The following SMO variants were observed in gnomAD, a reference collection of about 807,000 sequenced individuals.
SMO encodes the protein protein smoothened.
In SMO, 40 loss-of-function variants were observed where a neutral mutation model predicts 81.6. That is an observed-to-expected ratio of 0.49 (90% CI 0.38 to 0.64). The LOEUF (loss-of-function observed/expected upper bound fraction) is 0.64, where lower values mean the gene tolerates loss of function less well. Ranked by LOEUF, SMO falls within the 30% of genes least tolerant of loss-of-function variation. The pLI is 0.00. For synonymous variants in SMO, 434 were observed against 432.1 expected (o/e 1.00, Z -0.05); for missense variants, 916 against 1,061.1 (o/e 0.86, Z 1.90).
chr7:129,211,972 T>A lies in SMO; in HGVS notation c.1937-52T>A, dbSNP rs2150656129. 1 of 1,507,540 alleles carries A rather than the reference T, an allele frequency of 6.6e-7. No individual in the cohort carries two copies. The highest frequency in any genetic ancestry group is 8.9e-7 in the Non-Finnish European group (1 of 1,127,986). The allele number at this position is 1,507,540 out of a possible 1,614,324, so 93.4% of individuals were successfully genotyped here. A position where few individuals can be genotyped will look rare whatever the true frequency, so the allele number is the denominator to read the frequency against. On this transcript the variant is annotated intron_variant, in intron 11 of 11. Coordinates refer to ENST00000249373, the MANE Select transcript of SMO (RefSeq NM_005631.5). This position sits in a 1 kb window ranked among gnomAD's most constrained non-coding sequence, Gnocchi z 4.6. ...TTAAGTGCTCCCAGGGGAGCGGGGG[T>A]GGCATGGACAGAGCCAGGGCCCCAG...
chr7:129,211,569 A>G lies in SMO; in HGVS notation c.1802-67A>G, dbSNP rs1318286825. The G allele has an allele frequency of 4.6e-6, 7 of 1,532,854 alleles. No homozygotes were observed. The Admixed American group carries it at 5.1e-5, about 11-fold the overall frequency. 95.0% of individuals were successfully genotyped at this position (1,532,854 alleles called of 1,614,324 possible). On this transcript the variant is annotated intron_variant, in intron 10 of 11. Coordinates refer to ENST00000249373, the MANE Select transcript of SMO (RefSeq NM_005631.5). This position sits in a 1 kb window ranked among gnomAD's most constrained non-coding sequence, Gnocchi z 4.6. ...TGTGGGAAGATGAATGGCACTGACT[A>G]TGGGAGGCACTGCCAGGGACCGGGA...
At position 129,189,256 on chromosome 7, in the gene SMO, C is replaced by T. The variant is rs2150637989; in HGVS notation, c.105C>T (p.Asn35=). The stretch of plus-strand genomic sequence containing the variant: ...GCCGGGGGGCGGCCTCGAGCGGGAA[C>T]GCGACCGGGCCTGGGCCTCGGAGCG... The part of the protein sequence containing the change: ...DPGRGAASSG[N]ATGPGPRSAG... The change falls in exon 1 of 12, where the codon AAC becomes AAT. Residue 35 remains asparagine (N), a synonymous_variant. Coordinates refer to ENST00000249373, the MANE Select transcript of SMO (RefSeq NM_005631.5). This position sits in a 1 kb window ranked among gnomAD's most constrained non-coding sequence, Gnocchi z 4.7. 8.1e-7 allele frequency: 1 copy of T among 1,234,252 alleles called. No homozygotes were observed. The highest frequency in any genetic ancestry group is 1.0e-6 in the Non-Finnish European group (1 of 986,700). 76.5% of individuals were successfully genotyped at this position (1,234,252 alleles called of 1,614,324 possible).
intron 1 of SMO, among the ~76,000 whole-genome samples, chr7:129,194,119 T>C (rs568491422): frequency 6.6e-6 from 1 of 151,754 alleles, no homozygotes; most frequent in South Asian, 2.1e-4. Context: ...TACATACATA[T>C]AGATATGTGT....
chr7:129,201,928 G>A lies in SMO; in HGVS notation c.332-1456G>A, dbSNP rs192491032. Reference sequence around the variant, plus strand: ...ACTCCTAGCCTCAGGTGATCTGCCCGCCTTTGCCTCCCAAAGTGCTGGGAT... The same window carrying A: ...ACTCCTAGCCTCAGGTGATCTGCCCACCTTTGCCTCCCAAAGTGCTGGGAT... On this transcript the variant is annotated intron_variant, in intron 1 of 11. Coordinates refer to ENST00000249373, the MANE Select transcript of SMO (RefSeq NM_005631.5). Among the ~76,000 whole-genome samples the A allele has an allele frequency of 1.3e-3, 199 of 152,170 alleles. 1 individual carries two copies. The highest frequency in any genetic ancestry group is 4.5e-3 in the African/African-American group (186 of 41,528).
At position 129,188,704 on chromosome 7, in the gene SMO, G is replaced by A. The variant is rs1490043100; in HGVS notation, c.-448G>A. 6.6e-6 allele frequency among the ~76,000 whole-genome samples: 1 copy of A among 152,034 alleles called. No individual in the cohort carries two copies. Among genetic ancestry groups the A allele is most frequent in the Non-Finnish European group, 1.5e-5 (1 of 67,980 alleles). On this transcript the variant is annotated 5_prime_UTR_variant, in exon 1 of 12. Transcript: ENST00000249373. The surrounding 1 kb of genome is among the most constrained non-coding windows in gnomAD (Gnocchi z 4.9). ...CGGCGGGGAGAGTTCGGGGGGCTGC[G>A]GCGCGCTGGGGCGAAGGTGGCTGCT...
chr7:129,194,881 AAAC>A (rs1032119871), intron 1 of SMO, among the ~76,000 whole-genome samples: 19 of 152,102 alleles, frequency 1.2e-4, no homozygotes, highest in African/African-American at 4.6e-4. Flanking sequence ...TCCTGGGTTC[AAAC>A]GATTCTCCTG....
chr7:129,205,621 G>A lies in SMO; in HGVS notation c.759G>A (p.Val253=), dbSNP rs2150648967. ...LCTLFTLATF[V]ADWRNSNRYP... is the part of the protein sequence containing the mutation. ...CTTCTCTCTTCTAGGCCACATTCGT[G>A]GCTGACTGGCGGAACTCGAATCGCT... The change falls in exon 4 of 12, where the codon GTG becomes GTA. Residue 253 remains valine, a synonymous_variant. Coordinates refer to ENST00000249373, the MANE Select transcript of SMO (RefSeq NM_005631.5). The A allele has an allele frequency of 6.2e-7, 1 of 1,613,636 alleles. No homozygotes were observed. Among genetic ancestry groups the A allele is most frequent in the East Asian group, 2.2e-5 (1 of 44,864 alleles).
rs1314868282 is a variant in SMO, at chr7:129,206,104, G to A, written c.921-46G>A. ...ACAGGGTGGGGAGACCAGGTAGAGG[G>A]AGTACAGAGTGACCGCCTCAAGTGA... On this transcript the variant is annotated intron_variant, in intron 4 of 11. Coordinates refer to ENST00000249373, the MANE Select transcript of SMO (RefSeq NM_005631.5). This position sits in a 1 kb window ranked among gnomAD's most constrained non-coding sequence, Gnocchi z 4.4. 3.5e-6 allele frequency: 5 copies of A among 1,422,798 alleles called. No homozygotes were observed. The highest frequency in any genetic ancestry group is 4.9e-6 in the Non-Finnish European group (5 of 1,026,818). 88.1% of individuals were successfully genotyped at this position (1,422,798 alleles called of 1,614,324 possible). A position where few individuals can be genotyped will look rare whatever the true frequency, so the allele number is the denominator to read the frequency against.
rs1793705619 is a variant in SMO, at chr7:129,203,511, C to T, written c.459C>T (p.Pro153=). ...CCCTCTGCCAGGCCACCCGAGGCCC[C>T]TGTGCCATCGTGGAGAGGGAGCGGG... The part of the protein sequence containing the change: ...SRTLCQATRG[P]CAIVERERGW... The change falls in exon 2 of 12, where the codon CCC becomes CCT. Residue 153 remains proline, a synonymous_variant. Coordinates refer to ENST00000249373, the MANE Select transcript of SMO (RefSeq NM_005631.5). 1.9e-6 allele frequency: 3 copies of T among 1,607,720 alleles called. No individual in the cohort carries two copies. Among genetic ancestry groups the T allele is most frequent in the South Asian group, 1.1e-5 (1 of 90,094 alleles).
At chr7:129,209,030 C>G in intron 7 of SMO, 179 bp downstream of exon 7, 1 of 620,206 alleles carries the variant, frequency 1.6e-6, no homozygotes, top group East Asian at 2.7e-5. Flanking sequence ...GGGGTCTACT[C>G]GGGGGGAAGA....
intron 1 of SMO, among the ~76,000 whole-genome samples, chr7:129,197,339 T>C (rs1793597704): frequency 6.6e-6 from 1 of 152,258 alleles, no homozygotes. Flanking sequence ...ATAGGTTTTT[T>C]ATAGTTAATT....
In SMO at chr7:129,210,276, G is replaced by T. The variant is rs1174419065; in HGVS notation, c.1467-87G>T. 3 of 1,176,730 alleles carry T rather than the reference G, an allele frequency of 2.5e-6. No individual in the cohort carries two copies. Among genetic ancestry groups the T allele is most frequent in the African/African-American group, 1.5e-5 (1 of 66,306 alleles). 72.9% of individuals were successfully genotyped at this position (1,176,730 alleles called of 1,614,324 possible). ...GTTGTGATCACGCCACCGCACTCTA[G>T]CCTGGGTGACAGAGCAAGATCCTAT... On this transcript the variant is annotated intron_variant, in intron 8 of 11. Coordinates refer to ENST00000249373, the MANE Select transcript of SMO (RefSeq NM_005631.5). This position sits in a 1 kb window ranked among gnomAD's most constrained non-coding sequence, Gnocchi z 4.7.
At chr7:129,204,216 C>T (rs964070984) in intron 2 of SMO, among the ~76,000 whole-genome samples, 2 of 151,966 alleles carry the variant, frequency 1.3e-5, no homozygotes, top group Non-Finnish European at 2.9e-5. Context: ...GCCTGTAGTC[C>T]CAGCTACTCG....
intron 1 of SMO, among the ~76,000 whole-genome samples, chr7:129,195,945 C>CA (rs1462778268): frequency 1.3e-5 from 2 of 151,766 alleles, no homozygotes; most frequent in Non-Finnish European, 2.9e-5. Flanking sequence ...ACTAAAAATA[C>CA]AAAAAATTAG....
Position 129,211,883 on chromosome 7 carries a change from G to A in SMO, c.1936+113G>A. ...GGAGGAAGAGGAAGGAAAGGCCCCA[G>A]AGGATCTGAAGAGTGGGGCTGAGGC... On this transcript the variant is annotated intron_variant, in intron 11 of 11. Coordinates refer to ENST00000249373, the MANE Select transcript of SMO (RefSeq NM_005631.5). This position sits in a 1 kb window ranked among gnomAD's most constrained non-coding sequence, Gnocchi z 4.6. 6.8e-7 allele frequency: 1 copy of A among 1,475,980 alleles called. No homozygotes were observed. Among genetic ancestry groups the A allele is most frequent in the Non-Finnish European group, 9.3e-7 (1 of 1,070,716 alleles). 91.4% of individuals were successfully genotyped at this position (1,475,980 alleles called of 1,614,324 possible).
At chr7:129,196,944 G>A (rs1793590221) in intron 1 of SMO, among the ~76,000 whole-genome samples, 1 of 147,736 alleles carries the variant, frequency 6.8e-6, no homozygotes, top group Non-Finnish European at 1.5e-5. Context: ...GTGAACCTGG[G>A]AGGCGGAGCT....
chr7:129,189,161 G>C lies in SMO; in HGVS notation c.10G>C (p.Ala4Pro). 8.4e-7 allele frequency: 1 copy of C among 1,185,412 alleles called. No individual in the cohort carries two copies. The highest frequency in any genetic ancestry group is 1.1e-6 in the Non-Finnish European group (1 of 951,110). 73.4% of individuals were successfully genotyped at this position (1,185,412 alleles called of 1,614,324 possible). ...GTTGGCGGGGTTGGCCATGGCCGCTGCCCGCCCAGCGCGGGGGCCGGAGCT... is the reference window on the plus strand; with the variant it reads ...GTTGGCGGGGTTGGCCATGGCCGCTCCCCGCCCAGCGCGGGGGCCGGAGCT... Reference protein sequence around the residue: MAAARPARGPELPL... With the variant: MAAPRPARGPELPL... The change falls in exon 1 of 12, where the codon GCC becomes CCC. Residue 4 changes from alanine to proline, a missense_variant. Ala to Pro is a conservative substitution (Grantham distance 27). This residue lies in a region of SMO where 146 missense variants were observed against 149.9 expected (regional missense o/e 0.97). Transcript: ENST00000249373. This position sits in a 1 kb window ranked among gnomAD's most constrained non-coding sequence, Gnocchi z 4.7.
chr7:129,211,220 G>A lies in SMO; in HGVS notation c.1801+107G>A. 1 of 1,213,390 alleles carries A rather than the reference G, an allele frequency of 8.2e-7. No individual in the cohort carries two copies. Among genetic ancestry groups the A allele is most frequent in the Non-Finnish European group, 1.2e-6 (1 of 849,342 alleles). 75.2% of individuals were successfully genotyped at this position (1,213,390 alleles called of 1,614,324 possible). A position where few individuals can be genotyped will look rare whatever the true frequency, so the allele number is the denominator to read the frequency against. On this transcript the variant is annotated intron_variant, in intron 10 of 11. Transcript: ENST00000249373. The surrounding 1 kb of genome is among the most constrained non-coding windows in gnomAD (Gnocchi z 4.6). ...ACAGATTATTTGGAAGACCGACTGT[G>A]AGGAGCAAGGCGCTCCCTCCATCGC...
chr7:129,208,770 C>G lies in SMO; in HGVS notation c.1276C>G (p.Leu426Val), dbSNP rs1399929161. The change falls in exon 7 of 12, where the codon CTG (leucine) becomes GTG (valine). Residue 426 changes from leucine to valine, a missense_variant. Transcript: ENST00000249373. The surrounding 1 kb of genome is among the most constrained non-coding windows in gnomAD (Gnocchi z 5.2). Reference protein sequence around the residue: ...GYFLIRGVMTLFSIKSNHPGL... With the variant: ...GYFLIRGVMTVFSIKSNHPGL... ...CCCCTTCTGTTCAGGAGTCATGACTCTGTTCTCCATCAAGAGCAACCACCC... is the reference window on the plus strand; with the variant it reads ...CCCCTTCTGTTCAGGAGTCATGACTGTGTTCTCCATCAAGAGCAACCACCC... 6.2e-7 allele frequency: 1 copy of G among 1,612,586 alleles called. No homozygotes were observed. Among genetic ancestry groups the G allele is most frequent in the Non-Finnish European group, 8.5e-7 (1 of 1,178,684 alleles).
Sources: gnomAD v4.1 joint callset for allele counts (sites outside exome capture counted in the v4.1 genomes callset) on GRCh38, gnomAD v4.1.1 for gene constraint, gnomAD v4.1.1 regional missense constraint, Gnocchi (gnomAD v3.1) non-coding constraint, MANE v1.5 for transcripts, NCBI Gene and HGNC (gene_info 2026-07-23, HGNC 2026-07-21) for gene names.